The following TBCEL variants were observed in gnomAD, a reference collection of about 807,000 sequenced individuals.
TBCEL encodes the protein tubulin folding cofactor E like.
Under a neutral mutation model 44.2 loss-of-function variants are expected in TBCEL, and 15 were observed. That is an observed-to-expected ratio of 0.34 (90% CI 0.23 to 0.52). The LOEUF is 0.52. Ranked by LOEUF, TBCEL falls within the 20% of genes least tolerant of loss-of-function variation. TBCEL has a pLI of 0.95. For missense variants in TBCEL, 319 were observed against 506.3 expected (o/e 0.63, Z 3.55); for synonymous variants, 171 against 185.4 (o/e 0.92, Z 0.63).
At chr11:121,084,846 C>A (rs1211538831) in intron 8 of TBCEL, among the ~76,000 whole-genome samples, 1 of 151,866 alleles carries the variant, frequency 6.6e-6, no homozygotes, top group Non-Finnish European at 1.5e-5. Flanking sequence ...GGAAAAGATA[C>A]CCCTAGACTT....
intron 1 of TBCEL, among the ~76,000 whole-genome samples, chr11:121,031,247 T>C (rs1350816502): frequency 6.6e-6 from 1 of 152,218 alleles, no homozygotes; most frequent in Non-Finnish European, 1.5e-5. Context: ...CGTCTTCAAC[T>C]TTACTAGACA....
chr11:121,057,506 A>G, intron 6 of TBCEL: 1 of 402,670 alleles, frequency 2.5e-6, no homozygotes. Flanking sequence ...TTTAAATTTT[A>G]GATCCATCTC....
chr11:121,069,053 C>T (rs1945876290), intron 8 of TBCEL, among the ~76,000 whole-genome samples: 1 of 152,144 alleles, frequency 6.6e-6, no homozygotes, highest in South Asian at 2.1e-4. Context: ...GATTCCTTCT[C>T]TCCTCACCCA....
chr11:121,029,032 C>T (rs902388856), intron 1 of TBCEL, among the ~76,000 whole-genome samples: 1 of 152,178 alleles, frequency 6.6e-6, no homozygotes, highest in African/African-American at 2.4e-5. Flanking sequence ...ATACTCTACA[C>T]CAACTACACT....
intron 8 of TBCEL, among the ~76,000 whole-genome samples, chr11:121,077,073 G>A (rs891401935): frequency 2.6e-5 from 4 of 151,812 alleles, no homozygotes; most frequent in African/African-American, 7.3e-5. Context: ...AAGGATTTTT[G>A]TGTTTATGCT....
chr11:121,064,110 T>C (rs537071147), intron 8 of TBCEL, among the ~76,000 whole-genome samples: 1 of 152,342 alleles, frequency 6.6e-6, no homozygotes, highest in East Asian at 1.9e-4. Context: ...GGAATAATTG[T>C]TGTAGCACTA....
chr11:121,085,222 T>C (rs1156575365), intron 8 of TBCEL, among the ~76,000 whole-genome samples: 1 of 151,920 alleles, frequency 6.6e-6, no homozygotes, highest in Non-Finnish European at 1.5e-5. Flanking sequence ...GTGTTTTTAG[T>C]AGAGACAGGG....
intron 4 of TBCEL, among the ~76,000 whole-genome samples, chr11:121,048,186 C>T (rs931106693): frequency 1.3e-5 from 2 of 151,836 alleles, no homozygotes; most frequent in Non-Finnish European, 2.9e-5. Context: ...TCTACTTCTA[C>T]TTCAATATTT....
intron 8 of TBCEL, among the ~76,000 whole-genome samples, chr11:121,084,446 T>C (rs1279591000): frequency 6.6e-6 from 1 of 152,206 alleles, no homozygotes; most frequent in Non-Finnish European, 1.5e-5. Flanking sequence ...GTGTTTTCTT[T>C]CAAATTGAGT....
chr11:121,054,471 T>G (rs1056061512), intron 5 of TBCEL, among the ~76,000 whole-genome samples: 1 of 151,936 alleles, frequency 6.6e-6, no homozygotes, highest in Non-Finnish European at 1.5e-5. Context: ...CCATATGACC[T>G]TTGATAAGCT....
chr11:121,080,410 A>G (rs543908125), intron 8 of TBCEL, among the ~76,000 whole-genome samples: 2 of 152,148 alleles, frequency 1.3e-5, no homozygotes, highest in Admixed American at 1.3e-4. Context: ...TGGGATATTT[A>G]TGATCCCATT....
At chr11:121,071,280 T>C (rs1316198469) in intron 8 of TBCEL, among the ~76,000 whole-genome samples, 3 of 152,188 alleles carry the variant, frequency 2.0e-5, no homozygotes, top group Non-Finnish European at 2.9e-5. Flanking sequence ...TCATCCTCTT[T>C]AATTTTAAAG....
At chr11:121,029,791 T>C (rs1945112107) in intron 1 of TBCEL, among the ~76,000 whole-genome samples, 1 of 152,230 alleles carries the variant, frequency 6.6e-6, no homozygotes, top group Non-Finnish European at 1.5e-5. Flanking sequence ...CATTCTGCCA[T>C]TGGTGAGCTT....
At chr11:121,029,000 G>A (rs1245255187) in intron 1 of TBCEL, among the ~76,000 whole-genome samples, 2 of 151,998 alleles carry the variant, frequency 1.3e-5, no homozygotes, top group African/African-American at 4.8e-5. Flanking sequence ...TTATTTTCTA[G>A]CCGTCTTCCC....
intron 8 of TBCEL, among the ~76,000 whole-genome samples, chr11:121,063,525 C>G (rs1055227132): frequency 6.6e-6 from 1 of 151,970 alleles, no homozygotes; most frequent in African/African-American, 2.4e-5. Flanking sequence ...ATCTATTGAT[C>G]CAGTTGTAAA....
chr11:121,085,990 CA>C (rs1946209527), intron 8 of TBCEL, among the ~76,000 whole-genome samples: 1 of 152,072 alleles, frequency 6.6e-6, no homozygotes, highest in East Asian at 1.9e-4. Flanking sequence ...TAATTTTTTT[CA>C]GCATTTTTTC....
chr11:121,064,311 A>G (rs2134973387), intron 8 of TBCEL, among the ~76,000 whole-genome samples: 1 of 152,320 alleles, frequency 6.6e-6, no homozygotes, highest in South Asian at 2.1e-4. Context: ...GTACTTAATG[A>G]AGAGTTAAAT....
At chr11:121,031,455 A>G (rs914839038) in intron 1 of TBCEL, among the ~76,000 whole-genome samples, 27 of 152,108 alleles carry the variant, frequency 1.8e-4, no homozygotes, top group African/African-American at 6.0e-4. Flanking sequence ...TCTTTTACAT[A>G]TGTTAAACAT....
At chr11:121,051,055 CA>C (rs1565497001) in intron 4 of TBCEL, among the ~76,000 whole-genome samples, 1 of 151,620 alleles carries the variant, frequency 6.6e-6, no homozygotes, top group South Asian at 2.1e-4. Context: ...TGAGGTTACT[CA>C]AAAAAACCTT....
Sources: gnomAD v4.1 joint callset for allele counts (sites outside exome capture counted in the v4.1 genomes callset) on GRCh38, gnomAD v4.1.1 for gene constraint, MANE v1.5 for transcripts, NCBI Gene and HGNC (gene_info 2026-07-23, HGNC 2026-07-21) for gene names.